PLCG2: variants seen among roughly 807,000 people sequenced by gnomAD.
PLCG2 encodes the protein 1-phosphatidylinositol 4,5-bisphosphate phosphodiesterase gamma-2.
Under a neutral mutation model 175.6 loss-of-function variants are expected in PLCG2, and 69 were observed. That is an observed-to-expected ratio of 0.39 (90% CI 0.32 to 0.48). The LOEUF is 0.48. Ranked by LOEUF, PLCG2 falls within the 20% of genes least tolerant of loss-of-function variation. The pLI, the probability that PLCG2 is intolerant of heterozygous loss-of-function variation, is 0.91. For synonymous variants in PLCG2, 827 were observed against 624.0 expected, an observed-to-expected ratio of 1.33 and a Z score of -4.85; for missense variants, 1,798 against 1,650.9, an observed-to-expected ratio of 1.09 and a Z score of -1.54.
At chr16:81,879,539 C>G (rs959687872) in intron 7 of PLCG2, among the ~76,000 whole-genome samples, 6 of 152,144 alleles carry the variant, frequency 3.9e-5, no homozygotes, top group Admixed American at 3.3e-4. Context: ...GCCTGCGATT[C>G]CCTTTCTAGA....
At chr16:81,886,016 G>A (rs921371930) in intron 9 of PLCG2, among the ~76,000 whole-genome samples, 2 of 152,180 alleles carry the variant, frequency 1.3e-5, no homozygotes, top group Non-Finnish European at 2.9e-5. Context: ...GCTAGAGTGA[G>A]GTAGAGAGAA....
intron 24 of PLCG2, among the ~76,000 whole-genome samples, chr16:81,930,025 A>G (rs143814314): frequency 6.6e-6 from 1 of 152,168 alleles, no homozygotes; most frequent in African/African-American, 2.4e-5. Flanking sequence ...CTTTCTCTTA[A>G]TGAGCCTCAG....
At position 81,921,227 on chromosome 16, in the gene PLCG2, C is replaced by T. The variant is rs1166892927; in HGVS notation, c.2265C>T (p.Val755=). Residue 755 remains valine, a synonymous_variant, in exon 21 of 33, where the codon GTC becomes GTT. Coordinates refer to ENST00000564138, the MANE Select transcript of PLCG2 (RefSeq NM_002661.5). ...GAGATATAAACTCCCTCTACGACGT[C>T]AGCAGAATGTATGTGGATCCCAGTG... ...MERDINSLYD[V]SRMYVDPSEI... 1 of 1,606,090 alleles carries T rather than the reference C, an allele frequency of 6.2e-7. No individual in the cohort carries two copies. Among genetic ancestry groups the T allele is most frequent in the Non-Finnish European group, 8.5e-7 (1 of 1,172,882 alleles).
chr16:81,905,296 A>G, intron 14 of PLCG2, 107 bp from the exon 15 acceptor site: 1 of 723,992 alleles, frequency 1.4e-6, no homozygotes, highest in Non-Finnish European at 2.5e-6. Flanking sequence ...CAGCAAGAAC[A>G]GGCAGTGCAA....
At chr16:81,843,479 A>G (rs1172105091) in intron 2 of PLCG2, among the ~76,000 whole-genome samples, 1 of 152,152 alleles carries the variant, frequency 6.6e-6, no homozygotes, top group East Asian at 1.9e-4. Context: ...TGCATTACCA[A>G]CTGATTGAAA....
At chr16:81,858,016 G>T in intron 3 of PLCG2, 1 of 472,060 alleles carries the variant, frequency 2.1e-6, no homozygotes, top group South Asian at 3.8e-5. Flanking sequence ...ATTCCATTTG[G>T]CACAGGAAAT....
At chr16:81,778,645 G>C (rs1000190724), upstream of PLCG2, among the ~76,000 whole-genome samples, 2 of 152,146 alleles carry the variant, frequency 1.3e-5, no homozygotes, top group African/African-American at 4.8e-5. Flanking sequence ...GCACTATGTT[G>C]ATCACGTTTT....
chr16:81,803,675 T>G (rs1232852136), intron 2 of PLCG2, among the ~76,000 whole-genome samples: 1 of 116,808 alleles, frequency 8.6e-6, no homozygotes, highest in African/African-American at 2.9e-5. Context: ...CTTCCTTCCT[T>G]CCTTCCTTTT....
At chr16:81,848,651 T>G (rs1487422757) in intron 2 of PLCG2, among the ~76,000 whole-genome samples, 1 of 152,142 alleles carries the variant, frequency 6.6e-6, no homozygotes, top group Non-Finnish European at 1.5e-5. Flanking sequence ...AGTAATTTGA[T>G]CCCTCTTGAG....
chr16:81,913,194 C>A (rs949124603), intron 19 of PLCG2, among the ~76,000 whole-genome samples: 4 of 152,182 alleles, frequency 2.6e-5, no homozygotes, highest in African/African-American at 4.8e-5. Flanking sequence ...ACGCCAGATT[C>A]TCCCACTTCC....
chr16:81,912,491 GC>G (rs1188110078), intron 18 of PLCG2, 105 bp from the exon 19 acceptor site: 2 of 1,360,226 alleles, frequency 1.5e-6, no homozygotes, highest in Non-Finnish European at 9.9e-7. Context: ...CGTTTCCAGG[GC>G]CAGGTTCCAG....
intron 7 of PLCG2, among the ~76,000 whole-genome samples, chr16:81,875,725 C>T (rs1348482932): frequency 6.6e-6 from 1 of 152,198 alleles, no homozygotes; most frequent in African/African-American, 2.4e-5. Flanking sequence ...CCTGTGGTTA[C>T]AGCATTCTTA....
rs111894845 is a variant in PLCG2, at chr16:81,883,367, C to T, written c.765+26C>T. On this transcript the variant is annotated intron_variant, in intron 9 of 32. Transcript: ENST00000564138. The stretch of plus-strand genomic sequence containing the variant: ...GTGAGAGCACAAGGTGTGTGGGTGC[C>T]TGAGGGAGCTGGCGGGATGCTGCTG... 1.3e-5 allele frequency: 20 copies of T among 1,591,792 alleles called. No individual in the cohort carries two copies. The African/African-American group carries it at 1.7e-4, about 14-fold the overall frequency.
chr16:81,935,932 T>C, intron 26 of PLCG2: 1 of 984,868 alleles, frequency 1.0e-6, no homozygotes, highest in Non-Finnish European at 1.2e-6. Flanking sequence ...TAAATTACAG[T>C]AATTCTAGCC....
chr16:81,885,386 A>T (rs1908310158), intron 9 of PLCG2, among the ~76,000 whole-genome samples: 1 of 150,692 alleles, frequency 6.6e-6, no homozygotes, highest in African/African-American at 2.4e-5. Context: ...CTGATCTCCA[A>T]CTCCTGGGCT....
At chr16:81,878,794 G>A (rs1907939316) in intron 7 of PLCG2, among the ~76,000 whole-genome samples, 1 of 152,174 alleles carries the variant, frequency 6.6e-6, no homozygotes, top group Non-Finnish European at 1.5e-5. Context: ...ATGCCCGACT[G>A]TCTTCCTTAT....
intron 30 of PLCG2, among the ~76,000 whole-genome samples, chr16:81,945,740 C>T (rs1415094442): frequency 3.9e-5 from 6 of 152,150 alleles, no homozygotes; most frequent in Admixed American, 3.9e-4. Context: ...GATTTCCTCC[C>T]ATTGGAAATC....
At position 81,938,827 on chromosome 16, in the gene PLCG2, A is replaced by G. The variant is rs1910822387; in HGVS notation, c.3225A>G (p.Lys1075=). The change falls in exon 29 of 33, where the codon AAA becomes AAG. Residue 1075 remains lysine, a synonymous_variant. Coordinates refer to ENST00000564138, the MANE Select transcript of PLCG2 (RefSeq NM_002661.5). ...VKVLGARHLP[K]LGRSIACPFV... is the part of the protein sequence containing the mutation. ...TTCTCGGTGCTCGCCATCTCCCCAA[A>G]CTTGGACGAAGTATTGCCTGTCCCT... 1.9e-6 allele frequency: 3 copies of G among 1,611,804 alleles called. No homozygotes were observed. The African/African-American group carries it at 4.0e-5, about 22-fold the overall frequency.
intron 2 of PLCG2, among the ~76,000 whole-genome samples, chr16:81,819,660 C>T (rs555345075): frequency 6.6e-6 from 1 of 152,346 alleles, no homozygotes; most frequent in South Asian, 2.1e-4. Flanking sequence ...TCTCGGCTCA[C>T]TGCAACCTCC....
Sources: allele counts gnomAD v4.1 joint callset (sites outside exome capture counted in the v4.1 genomes callset), GRCh38; gene constraint gnomAD v4.1.1; transcripts MANE v1.5; gene names NCBI Gene and HGNC (gene_info 2026-07-23, HGNC 2026-07-21).